Variants in SLC16A7 observed in about 807,000 individuals in gnomAD.
SLC16A7 encodes the protein monocarboxylate transporter 2.
Under a neutral mutation model 34.9 loss-of-function variants are expected in SLC16A7, and 33 were observed. That is an observed-to-expected ratio of 0.94 (90% CI 0.72 to 1.26). The LOEUF is 1.26. SLC16A7 is among the 50% of genes most tolerant of loss of function. SLC16A7 has a pLI of 0.00. For missense variants in SLC16A7, 573 were observed against 578.1 expected, an observed-to-expected ratio of 0.99 and a Z score of 0.09; for synonymous variants, 201 against 206.6, an observed-to-expected ratio of 0.97 and a Z score of 0.23.
At chr12:59,720,089 T>C (rs528225837) in intron 3 of SLC16A7, 15 of 700,648 alleles carry the variant, frequency 2.1e-5, no homozygotes, top group Non-Finnish European at 3.4e-5. Flanking sequence ...GTTGGTATCA[T>C]ATGCAATAGC....
intron 1 of SLC16A7, among the ~76,000 whole-genome samples, chr12:59,654,183 C>G (rs1282171465): frequency 6.6e-6 from 1 of 151,002 alleles, no homozygotes; most frequent in East Asian, 1.9e-4. Flanking sequence ...ACAAATTTAA[C>G]TAAATAATCT....
At chr12:59,607,643 A>G (rs1390945099) in intron 1 of SLC16A7, among the ~76,000 whole-genome samples, 2 of 152,156 alleles carry the variant, frequency 1.3e-5, no homozygotes, top group Admixed American at 6.5e-5. Flanking sequence ...CTCTATTTTC[A>G]TAACATGAGG....
chr12:59,720,919 A>G (rs540573076), intron 3 of SLC16A7, among the ~76,000 whole-genome samples: 1 of 152,134 alleles, frequency 6.6e-6, no homozygotes, highest in African/African-American at 2.4e-5. Context: ...AGTTTCTTGC[A>G]TACATTCTTA....
intron 3 of SLC16A7, among the ~76,000 whole-genome samples, chr12:59,738,856 T>G (rs1877922967): frequency 6.6e-6 from 1 of 151,710 alleles, no homozygotes; most frequent in African/African-American, 2.4e-5. Context: ...TTTACATTTT[T>G]ATTAAGGTCT....
intron 3 of SLC16A7, chr12:59,768,912 A>G (rs1333449521): frequency 3.9e-5 from 6 of 152,274 alleles, no homozygotes; most frequent in African/African-American, 1.4e-4. Flanking sequence ...AGTTGGGAGG[A>G]TCTCGAGTCT....
chr12:59,601,292 C>T (rs1878670492), intron 1 of SLC16A7, among the ~76,000 whole-genome samples: 1 of 151,984 alleles, frequency 6.6e-6, no homozygotes, highest in African/African-American at 2.4e-5. Flanking sequence ...AGCAGCTGCC[C>T]TACTAAGTAA....
chr12:59,661,476 C>T (rs896156442), intron 2 of SLC16A7, among the ~76,000 whole-genome samples: 13 of 151,986 alleles, frequency 8.6e-5, no homozygotes, highest in African/African-American at 2.9e-4. Flanking sequence ...AGAGTGATGG[C>T]GGGGAGCTAA....
In SLC16A7 at chr12:59,604,509, A is replaced by G. The variant is rs1878842018; in HGVS notation, c.-130+8273A>G. ...GTGTGTATAATAAGTGAATTTAAGG[A>G]CATTGGACCAAATAAGTGGCTATTA... On this transcript the variant is annotated intron_variant, in intron 1 of 5. Coordinates refer to ENST00000547379, the MANE Select transcript of SLC16A7 (RefSeq NM_001270623.2). Among the ~76,000 whole-genome samples, 4 of 152,256 alleles carry G rather than the reference A, an allele frequency of 2.6e-5. No homozygotes were observed. The South Asian group carries it at 8.3e-4, about 31-fold the overall frequency.
chr12:59,732,308 T>C (rs1203765348), intron 3 of SLC16A7, among the ~76,000 whole-genome samples: 1 of 151,876 alleles, frequency 6.6e-6, no homozygotes, highest in Non-Finnish European at 1.5e-5. Context: ...AAATCCCAGC[T>C]ACTTGGGAGG....
chr12:59,761,777 T>A (rs552435317), intron 3 of SLC16A7, among the ~76,000 whole-genome samples: 1 of 152,206 alleles, frequency 6.6e-6, no homozygotes, highest in South Asian at 2.1e-4. Context: ...CCAAGGAAGC[T>A]CTTGGCAGGG....
intron 5 of SLC16A7, among the ~76,000 whole-genome samples, chr12:59,778,052 T>A (rs1044636252): frequency 2.0e-5 from 3 of 152,092 alleles, no homozygotes; most frequent in Non-Finnish European, 2.9e-5. Flanking sequence ...CAATCTATCA[T>A]TGTTGGACAT....
chr12:59,645,394 G>A (rs1365967702), intron 1 of SLC16A7, among the ~76,000 whole-genome samples: 1 of 152,112 alleles, frequency 6.6e-6, no homozygotes, highest in East Asian at 1.9e-4. Flanking sequence ...AGACCCACAT[G>A]CTGCTCTTAT....
At position 59,780,156 on chromosome 12, in the gene SLC16A7, A is replaced by G. The variant is rs1329116245; in HGVS notation, c.*477A>G. On this transcript the variant is annotated 3_prime_UTR_variant, in exon 6 of 6. Coordinates refer to ENST00000547379, the MANE Select transcript of SLC16A7 (RefSeq NM_001270623.2). ...CACACAAACACACATACTCCCACATACTTACCCACATGTACACAGAGTATC... is the reference window on the plus strand; with the variant it reads ...CACACAAACACACATACTCCCACATGCTTACCCACATGTACACAGAGTATC... The G allele has an allele frequency of 6.5e-6, 1 of 153,004 alleles. No individual in the cohort carries two copies. Among genetic ancestry groups the G allele is most frequent in the Non-Finnish European group, 1.5e-5 (1 of 68,692 alleles). 9.5% of individuals were successfully genotyped at this position (153,004 alleles called of 1,614,324 possible).
At chr12:59,677,715 T>A (rs1336083694) in intron 2 of SLC16A7, among the ~76,000 whole-genome samples, 2 of 152,212 alleles carry the variant, frequency 1.3e-5, no homozygotes, top group East Asian at 1.9e-4. Context: ...ATCTCTTAAA[T>A]GCAAACTAGC....
intron 2 of SLC16A7, among the ~76,000 whole-genome samples, chr12:59,661,264 A>G (rs1227824953): frequency 6.6e-6 from 1 of 152,050 alleles, no homozygotes; most frequent in South Asian, 2.1e-4. Context: ...TAACAATTGG[A>G]GGCTACTAAA....
At chr12:59,613,701 G>T (rs1303191835) in intron 1 of SLC16A7, among the ~76,000 whole-genome samples, 1 of 152,108 alleles carries the variant, frequency 6.6e-6, no homozygotes, top group Non-Finnish European at 1.5e-5. Flanking sequence ...GGAGAGAGAT[G>T]ATGAAGAAAA....
chr12:59,605,674 A>G (rs1878904161), intron 1 of SLC16A7, among the ~76,000 whole-genome samples: 1 of 152,218 alleles, frequency 6.6e-6, no homozygotes, highest in Non-Finnish European at 1.5e-5. Flanking sequence ...GATATCAAAT[A>G]TATTCTCAAA....
chr12:59,669,573 G>A (rs764678086), intron 2 of SLC16A7, among the ~76,000 whole-genome samples: 5 of 151,402 alleles, frequency 3.3e-5, no homozygotes, highest in Non-Finnish European at 5.9e-5. Flanking sequence ...GTTTGTCTCT[G>A]TTCCTTTAGC....
chr12:59,597,332 G>A (rs1423303747), intron 1 of SLC16A7, among the ~76,000 whole-genome samples: 1 of 151,704 alleles, frequency 6.6e-6, no homozygotes, highest in Non-Finnish European at 1.5e-5. Flanking sequence ...TTCCTTTCCT[G>A]TATTATTTCG....
Sources: allele counts gnomAD v4.1 joint callset (sites outside exome capture counted in the v4.1 genomes callset), GRCh38; gene constraint gnomAD v4.1.1; transcripts MANE v1.5; gene names NCBI Gene and HGNC (gene_info 2026-07-23, HGNC 2026-07-21).